ZNF561: variants seen among roughly 807,000 people sequenced by gnomAD.
ZNF561 encodes zinc finger protein 561.
A neutral mutation model predicts 16.7 loss-of-function variants in ZNF561; 16 were observed. The ratio of observed to expected loss-of-function variants is 0.96; its 90% CI spans 0.65 to 1.45. ZNF561 has a LOEUF of 1.45. Among genes scored for constraint, ZNF561 ranks in the 40% most tolerant of loss-of-function variants. ZNF561 has a pLI of 0.00. For synonymous variants in ZNF561, 190 were observed against 192.1 expected (o/e 0.99, Z 0.09); for missense variants, 580 against 578.0 (o/e 1.00, Z -0.04).
chr19:9,617,102 C>G lies in ZNF561; in HGVS notation c.184G>C (p.Glu62Gln), dbSNP rs553730181. The G allele has an allele frequency of 7.4e-5, 120 of 1,613,588 alleles. No homozygotes were observed. In the African/African-American group the frequency reaches 8.9e-4, roughly 12 times the overall value. The change falls in exon 4 of 6, where the codon GAG becomes CAG. Residue 62 changes from glutamate to glutamine, a missense_variant. Physicochemically the swap from Glu to Gln is conservative, Grantham distance 29 (BLOSUM62 2). Transcript: ENST00000302851. ...PEEWALLDTT[E>Q]KYLYRDVMLE... ...ATCACATCTCTGTAGAGGTATTTCTCAGTTGTGTCCAGTAAAGCCCACTCC... is the reference window on the plus strand; with the variant it reads ...ATCACATCTCTGTAGAGGTATTTCTGAGTTGTGTCCAGTAAAGCCCACTCC...
chr19:9,617,848 T>A, intron 3 of ZNF561: 3 of 553,884 alleles, frequency 5.4e-6, no homozygotes, highest in Admixed American at 2.2e-5. Context: ...GTAAGAAAGA[T>A]GCAGTTGGCA....
In ZNF561 at chr19:9,616,427, C is replaced by A. The variant is rs1355172794; in HGVS notation, c.241+618G>T. ...TCCCAAGTAGCTGGGATTACAGGTGCCTGCCAACAAGTCTGGCTAATTTTT... is the reference window on the plus strand; with the variant it reads ...TCCCAAGTAGCTGGGATTACAGGTGACTGCCAACAAGTCTGGCTAATTTTT... On this transcript the variant is annotated intron_variant, in intron 4 of 5. Coordinates refer to ENST00000302851, the MANE Select transcript of ZNF561 (RefSeq NM_152289.3). 3.3e-5 allele frequency among the ~76,000 whole-genome samples: 5 copies of A among 151,834 alleles called. No homozygotes were observed. The East Asian group carries it at 5.8e-4, about 18-fold the overall frequency.
intron 2 of ZNF561, 108 bp from the exon 3 acceptor site, chr19:9,618,287 A>G: frequency 2.7e-6 from 3 of 1,096,106 alleles, no homozygotes; most frequent in Non-Finnish European, 3.9e-6. Flanking sequence ...ATGCTCCTAC[A>G]CACTCGAGAA....
chr19:9,613,897 T>G, intron 5 of ZNF561, 124 bp downstream of exon 5: 1 of 1,186,026 alleles, frequency 8.4e-7, no homozygotes, highest in Non-Finnish European at 1.2e-6. Flanking sequence ...GACCCCCACT[T>G]CAGCCTCCCA....
intron 1 of ZNF561, among the ~76,000 whole-genome samples, chr19:9,620,580 G>T (rs1023488470): frequency 6.6e-6 from 1 of 151,932 alleles, no homozygotes; most frequent in Non-Finnish European, 1.5e-5. Context: ...CCTAGTAGTC[G>T]GTCTGATACT....
rs2074385185 is a variant in ZNF561, at chr19:9,608,250, G to A, written c.*1950C>T. On this transcript the variant is annotated 3_prime_UTR_variant, in exon 6 of 6. Coordinates refer to ENST00000302851, the MANE Select transcript of ZNF561 (RefSeq NM_152289.3). ...GAGGGAGGGGGAGGGAGGGGAAGGA[G>A]AGAGATGGTGGGGAGAGAGAGAGAA... The A allele has an allele frequency of 1.3e-5, 2 of 151,854 alleles. No homozygotes were observed. The highest frequency in any genetic ancestry group is 2.9e-5 in the Non-Finnish European group (2 of 67,978). 9.4% of individuals were successfully genotyped at this position (151,854 alleles called of 1,614,324 possible). A position where few individuals can be genotyped will look rare whatever the true frequency, so the allele number is the denominator to read the frequency against.
chr19:9,617,563 C>A lies in ZNF561; in HGVS notation c.115-392G>T, dbSNP rs914380084. ...AAAAACAGGGTCCAACTGTGTCACC[C>A]AGGCACAACTGCTGATTACTACAGC... On this transcript the variant is annotated intron_variant, in intron 3 of 5. Transcript: ENST00000302851. The A allele has an allele frequency of 2.8e-5, 11 of 397,224 alleles. No individual in the cohort carries two copies. The Admixed American group carries it at 2.8e-4, about 10-fold the overall frequency. The allele number at this position is 397,224 out of a possible 1,614,324, so 24.6% of individuals were successfully genotyped here.
rs775557379 is a variant in ZNF561, at chr19:9,611,286, C to T, written c.375G>A (p.Glu125=). 8 of 1,613,870 alleles carry T rather than the reference C, an allele frequency of 5.0e-6. No homozygotes were observed. The highest frequency in any genetic ancestry group is 6.8e-6 in the Non-Finnish European group (8 of 1,179,804). ...TAAGGCAAAACTGTTCCCTGAAGAC[C>T]TCTCCACAATTCTTACAGTCACAGA... is the stretch of plus-strand genomic sequence containing the variant. ...WKLCDCKNCG[E]VFREQFCLKT... is the part of the protein sequence containing the mutation. Residue 125 remains glutamate, a synonymous_variant, in exon 6 of 6, where the codon GAG becomes GAA. Coordinates refer to ENST00000302851, the MANE Select transcript of ZNF561 (RefSeq NM_152289.3).
chr19:9,608,171 T>G lies in ZNF561; in HGVS notation c.*2029A>C, dbSNP rs1240054674. 6.9e-6 allele frequency: 1 copy of G among 145,484 alleles called. No individual in the cohort carries two copies. Among genetic ancestry groups the G allele is most frequent in the Non-Finnish European group, 1.5e-5 (1 of 67,286 alleles). 9.0% of individuals were successfully genotyped at this position (145,484 alleles called of 1,614,324 possible). On this transcript the variant is annotated 3_prime_UTR_variant, in exon 6 of 6. Coordinates refer to ENST00000302851, the MANE Select transcript of ZNF561 (RefSeq NM_152289.3). ...CAGGTGTGAGCCACCGCGCCCGGCC[T>G]GAAAATAGGCTCTTTAGAAGTATCG...
rs530214109 is a variant in ZNF561, at chr19:9,610,413, A to G, written c.1248T>C (p.Ser416=). The G allele has an allele frequency of 2.5e-6, 4 of 1,612,850 alleles. No homozygotes were observed. Among genetic ancestry groups the G allele is most frequent in the Admixed American group, 1.7e-5 (1 of 59,878 alleles). Residue 416 remains serine, a synonymous_variant, in exon 6 of 6, where the codon AGT becomes AGC. Coordinates refer to ENST00000302851, the MANE Select transcript of ZNF561 (RefSeq NM_152289.3). ...TCTTGCATACAAAGGGCTTTTCTCC[A>G]CTATGAGTTTTCAAATGTTTACTAC... ...SRRSKHLKTH[S]GEKPFVCKIC...
rs2074412537 is a variant in ZNF561 at position 9,609,756 on chromosome 19, T to C, written c.*444A>G. ...TGGCAGTTATGGATGGTTTCATTCC[T>C]GACACGCTCTGCAGGATCCGTGGGA... On this transcript the variant is annotated 3_prime_UTR_variant, in exon 6 of 6. Coordinates refer to ENST00000302851, the MANE Select transcript of ZNF561 (RefSeq NM_152289.3). The C allele has an allele frequency of 6.4e-6, 1 of 156,110 alleles. No homozygotes were observed. The allele number at this position is 156,110 out of a possible 1,614,324, so 9.7% of individuals were successfully genotyped here. A position where few individuals can be genotyped will look rare whatever the true frequency, so the allele number is the denominator to read the frequency against.
At chr19:9,617,654 G>C (rs769754845) in intron 3 of ZNF561, 33 of 456,944 alleles carry the variant, frequency 7.2e-5, no homozygotes, top group Middle Eastern at 3.2e-4. Context: ...TTACAGGCAT[G>C]AGCCACTGCA....
In ZNF561 at chr19:9,610,118, A is replaced by G; in HGVS notation, c.*82T>C. The G allele has an allele frequency of 5.4e-6, 7 of 1,288,874 alleles. No homozygotes were observed. Among genetic ancestry groups the G allele is most frequent in the Non-Finnish European group, 7.4e-6 (7 of 949,316 alleles). The allele number at this position is 1,288,874 out of a possible 1,614,324, so 79.8% of individuals were successfully genotyped here. On this transcript the variant is annotated 3_prime_UTR_variant, in exon 6 of 6. Transcript: ENST00000302851. ...GGTATCTAAGGCCAATCCATGAGTC[A>G]TTACAACCTCCAAAAGGCATTTAGG...
chr19:9,617,025 C>G lies in ZNF561; in HGVS notation c.241+20G>C. The G allele has an allele frequency of 6.3e-7, 1 of 1,597,368 alleles. No individual in the cohort carries two copies. Among genetic ancestry groups the G allele is most frequent in the Non-Finnish European group, 8.5e-7 (1 of 1,169,612 alleles). On this transcript the variant is annotated intron_variant, in intron 4 of 5. Transcript: ENST00000302851. Reference sequence around the variant, plus strand: ...TACAGGTGCAGGCCACCATGCCAAGCATAGTGATGTTACTCTTACCCACAG... The same window carrying G: ...TACAGGTGCAGGCCACCATGCCAAGGATAGTGATGTTACTCTTACCCACAG...
chr19:9,619,877 C>CTATCTATCTATG (rs1555692351), intron 1 of ZNF561, among the ~76,000 whole-genome samples: 6 of 148,766 alleles, frequency 4.0e-5, no homozygotes, highest in African/African-American at 1.5e-4. Context: ...CTATCTATAT[C>CTATCTATCTATG]TATCTATCTA....
At chr19:9,617,954 T>A in intron 3 of ZNF561, 137 bp downstream of exon 3, 2 of 789,478 alleles carry the variant, frequency 2.5e-6, no homozygotes, top group Non-Finnish European at 4.1e-6. Context: ...CTGGGGAAAT[T>A]CATCTGGGGA....
intron 4 of ZNF561, among the ~76,000 whole-genome samples, chr19:9,616,318 G>T (rs1033879447): frequency 6.6e-6 from 1 of 152,066 alleles, no homozygotes; most frequent in African/African-American, 2.4e-5. Context: ...GTATCACTGT[G>T]TCGCCCCGGC....
intron 4 of ZNF561, among the ~76,000 whole-genome samples, chr19:9,616,472 G>A (rs1271610770): frequency 2.6e-5 from 4 of 151,760 alleles, no homozygotes; most frequent in African/African-American, 9.7e-5. Context: ...GTAGAGATGG[G>A]GATTCACTAT....
At chr19:9,616,831 T>C in intron 4 of ZNF561, 1 of 463,820 alleles carries the variant, frequency 2.2e-6, no homozygotes, top group East Asian at 3.9e-5. Flanking sequence ...CTGGACCTTG[T>C]GATCCGTCCA....
Sources: allele counts gnomAD v4.1 joint callset (sites outside exome capture counted in the v4.1 genomes callset), GRCh38; gene constraint gnomAD v4.1.1; transcripts MANE v1.5; gene names NCBI Gene and HGNC (gene_info 2026-07-23, HGNC 2026-07-21).